Variants in VPS13B observed in about 807,000 individuals in gnomAD.
VPS13B encodes intermembrane lipid transfer protein VPS13B.
VPS13B carries 285 observed loss-of-function variants against 426.4 expected under a neutral mutation model. That is an observed-to-expected ratio of 0.67 (90% CI 0.61 to 0.74). The LOEUF (loss-of-function observed/expected upper bound fraction) is 0.74, where lower values mean the gene tolerates loss of function less well. Among genes scored for constraint, VPS13B ranks in the 30% least tolerant of loss-of-function variants. VPS13B has a pLI of 0.00. For missense variants in VPS13B, 4,537 were observed against 4,782.6 expected, an observed-to-expected ratio of 0.95 and a Z score of 1.51; for synonymous variants, 1,676 against 1,676.4, an observed-to-expected ratio of 1.00 and a Z score of 0.01.
chr8:99,543,464 G>T (rs1317145959), intron 30 of VPS13B, among the ~76,000 whole-genome samples: 2 of 151,464 alleles, frequency 1.3e-5, no homozygotes, highest in Non-Finnish European at 3.0e-5. Context: ...TGACAAATGG[G>T]ATCTAATTAA....
chr8:99,201,863 A>G (rs1184112208), intron 17 of VPS13B, among the ~76,000 whole-genome samples: 2 of 152,118 alleles, frequency 1.3e-5, no homozygotes, highest in Admixed American at 1.3e-4. Flanking sequence ...GAGTGTGAAG[A>G]TTTTCTCAAT....
At chr8:99,796,440 T>C (rs901004601) in intron 43 of VPS13B, among the ~76,000 whole-genome samples, 7 of 151,862 alleles carry the variant, frequency 4.6e-5, no homozygotes, top group Non-Finnish European at 8.8e-5. Flanking sequence ...CACATTAATA[T>C]AGAAGAAGAA....
chr8:99,423,986 T>A (rs1816532971), intron 21 of VPS13B, among the ~76,000 whole-genome samples: 2 of 152,192 alleles, frequency 1.3e-5, no homozygotes, highest in African/African-American at 4.8e-5. Context: ...GTCTCGTTGA[T>A]CTGTCTAATG....
At chr8:99,417,236 C>T (rs996230971) in intron 21 of VPS13B, among the ~76,000 whole-genome samples, 29 of 152,094 alleles carry the variant, frequency 1.9e-4, no homozygotes, top group East Asian at 1.5e-3. Context: ...AGTTTCTCCC[C>T]GACTCCTTAT....
intron 23 of VPS13B, among the ~76,000 whole-genome samples, chr8:99,462,667 TG>T (rs1327939385): frequency 6.6e-6 from 1 of 152,176 alleles, no homozygotes; most frequent in Admixed American, 6.5e-5. Flanking sequence ...ATTGAATATT[TG>T]TGTTCCCTCA....
At chr8:99,742,978 C>A (rs1196982785) in intron 39 of VPS13B, among the ~76,000 whole-genome samples, 1 of 152,080 alleles carries the variant, frequency 6.6e-6, no homozygotes, top group Admixed American at 6.5e-5. Flanking sequence ...CTGGCCAGGG[C>A]AATCAGGCAG....
At chr8:99,463,999 C>T (rs937336678) in intron 23 of VPS13B, among the ~76,000 whole-genome samples, 3 of 152,164 alleles carry the variant, frequency 2.0e-5, no homozygotes, top group Non-Finnish European at 2.9e-5. Context: ...CAGGCCTTAA[C>T]TGTCTTTAAA....
intron 54 of VPS13B, 35 bp downstream of exon 54, chr8:99,835,773 G>T (rs1269557606): frequency 6.2e-7 from 1 of 1,609,398 alleles, no homozygotes; most frequent in Admixed American, 1.7e-5. Context: ...AAGACCCAAA[G>T]AAAAATGCCC....
intron 54 of VPS13B, 100 bp from the exon 55 acceptor site, chr8:99,848,676 G>GCC: frequency 9.5e-7 from 1 of 1,053,974 alleles, no homozygotes; most frequent in Non-Finnish European, 1.5e-6. Flanking sequence ...ACCAGGAATT[G>GCC]TTTGTGGTAT....
intron 19 of VPS13B, among the ~76,000 whole-genome samples, chr8:99,339,909 G>T (rs1811143588): frequency 6.6e-6 from 1 of 152,026 alleles, no homozygotes; most frequent in South Asian, 2.1e-4. Context: ...AATAAAAATA[G>T]CTTGCAAAAA....
At chr8:99,176,629 TAAA>T (rs1037004001) in intron 16 of VPS13B, among the ~76,000 whole-genome samples, 1 of 152,114 alleles carries the variant, frequency 6.6e-6, no homozygotes. Flanking sequence ...TGTAAAAAAA[TAAA>T]AAATAAAAGG....
intron 33 of VPS13B, among the ~76,000 whole-genome samples, chr8:99,624,701 C>T (rs1828528016): frequency 6.6e-6 from 1 of 152,038 alleles, no homozygotes; most frequent in Non-Finnish European, 1.5e-5. Context: ...CAGTGAAAAC[C>T]TTGAACATAC....
intron 3 of VPS13B, among the ~76,000 whole-genome samples, chr8:99,051,805 G>C (rs1263140817): frequency 6.6e-6 from 1 of 152,168 alleles, no homozygotes; most frequent in Non-Finnish European, 1.5e-5. Context: ...GTGAATGGGA[G>C]TTCACTCATT....
chr8:99,649,128 C>A (rs994755432), intron 34 of VPS13B, among the ~76,000 whole-genome samples: 5 of 152,174 alleles, frequency 3.3e-5, no homozygotes, highest in Admixed American at 2.6e-4. Flanking sequence ...TTGTTTTTCT[C>A]TAGCTGTTTT....
chr8:99,162,839 C>T (rs1211493159), intron 15 of VPS13B, among the ~76,000 whole-genome samples: 1 of 152,162 alleles, frequency 6.6e-6, no homozygotes, highest in Non-Finnish European at 1.5e-5. Flanking sequence ...CCAATGCTGG[C>T]TCGGGCAGCC....
chr8:99,850,441 AGACT>A lies in VPS13B; in HGVS notation c.10061+1550_10061+1553del, dbSNP rs199949065. ...TACACAGAAAACATTCCTAGAAATAAGACTGAAAAGAAAAAAACTCAAAATTGGT... is the reference window on the plus strand; with the variant it reads ...TACACAGAAAACATTCCTAGAAATAAGAAAAGAAAAAAACTCAAAATTGGT... On this transcript the variant is annotated intron_variant, in intron 55 of 61. Coordinates refer to ENST00000357162, the MANE Select transcript of VPS13B (RefSeq NM_152564.5). Among the ~76,000 whole-genome samples, 984 of 152,056 alleles carry A rather than the reference AGACT, an allele frequency of 6.5e-3. 6 individuals carry two copies. The highest frequency in any genetic ancestry group is 0.024 in the Middle Eastern group (7 of 294).
At chr8:99,493,432 C>T (rs1356833939) in intron 25 of VPS13B, among the ~76,000 whole-genome samples, 1 of 152,118 alleles carries the variant, frequency 6.6e-6, no homozygotes, top group East Asian at 1.9e-4. Flanking sequence ...GGCTATAACA[C>T]ATATCTGATC....
chr8:99,435,499 A>C (rs1817323555), intron 22 of VPS13B, among the ~76,000 whole-genome samples: 1 of 152,204 alleles, frequency 6.6e-6, no homozygotes, highest in Non-Finnish European at 1.5e-5. Context: ...CTATCGATAA[A>C]CAAGTAGGTA....
chr8:99,781,956 C>A (rs559747423), intron 42 of VPS13B, among the ~76,000 whole-genome samples: 3 of 152,162 alleles, frequency 2.0e-5, no homozygotes, highest in Non-Finnish European at 4.4e-5. Flanking sequence ...GGAAAAATCT[C>A]ATCAAAACTA....
Sources: allele counts gnomAD v4.1 joint callset (sites outside exome capture counted in the v4.1 genomes callset), GRCh38; gene constraint gnomAD v4.1.1; transcripts MANE v1.5; gene names NCBI Gene and HGNC (gene_info 2026-07-23, HGNC 2026-07-21).